HASPIN: variants seen among roughly 807,000 people sequenced by gnomAD.
The protein encoded by HASPIN is histone H3 associated protein kinase, also known as serine/threonine-protein kinase haspin.
In HASPIN, 24 loss-of-function variants were observed where a neutral mutation model predicts 28.8. That is an observed-to-expected ratio of 0.83 (90% CI 0.60 to 1.17). The LOEUF (loss-of-function observed/expected upper bound fraction) is 1.17, where lower values mean the gene tolerates loss of function less well. Among genes scored for constraint, HASPIN ranks in the 50% most tolerant of loss-of-function variants. The probability of loss-of-function intolerance (pLI) is 0.00; values close to 1 mark genes in which losing one functional copy is unlikely to be tolerated. For synonymous variants in HASPIN, 440 were observed against 413.1 expected (o/e 1.07, Z -0.79); for missense variants, 1,016 against 1,018.5 (o/e 1.00, Z 0.03).
Position 3,725,503 on chromosome 17 carries a change from G to A in HASPIN, c.1568G>A (p.Gly523Glu). Residue 523 changes from glycine (G) to glutamate (E), a missense_variant, in exon 1 of 1, where the codon GGA becomes GAA. Gly to Glu is a moderately conservative substitution (Grantham distance 98). Transcript: ENST00000325418. Reference protein sequence around the residue: ...IAIEGPDLVNGSHQKTFEEIL... With the variant: ...IAIEGPDLVNESHQKTFEEIL... Reference sequence around the variant, plus strand: ...ATTGAAGGACCAGATTTAGTCAATGGATCCCATCAGAAAACCTTTGAGGAA... The same window carrying A: ...ATTGAAGGACCAGATTTAGTCAATGAATCCCATCAGAAAACCTTTGAGGAA... 6.2e-7 allele frequency: 1 copy of A among 1,614,154 alleles called. No homozygotes were observed. The highest frequency in any genetic ancestry group is 8.5e-7 in the Non-Finnish European group (1 of 1,180,036).
At position 3,724,543 on chromosome 17, in the gene HASPIN, G is replaced by A. The variant is rs1283000892; in HGVS notation, c.608G>A (p.Ser203Asn). 1 of 1,614,130 alleles carries A rather than the reference G, an allele frequency of 6.2e-7. No individual in the cohort carries two copies. Among genetic ancestry groups the A allele is most frequent in the Non-Finnish European group, 8.5e-7 (1 of 1,180,026 alleles). The change falls in exon 1 of 1, where the codon AGC becomes AAC. Residue 203 changes from serine (S) to asparagine (N), a missense_variant. By Grantham distance (46) the Ser-to-Asn change is conservative. This residue lies in a region of HASPIN where 881 missense variants were observed against 845.5 expected (regional missense o/e 1.04). Transcript: ENST00000325418. ...ACLVAASAVPSGLHLPEVSLD... is the reference protein window; with the variant it reads ...ACLVAASAVPNGLHLPEVSLD... ...CTGGTTGCAGCCTCAGCCGTCCCGA[G>A]CGGCCTCCACCTCCCAGAAGTCTCC...
chr17:3,724,867 G>C lies in HASPIN; in HGVS notation c.932G>C (p.Arg311Thr). 6.2e-7 allele frequency: 1 copy of C among 1,613,958 alleles called. No homozygotes were observed. Among genetic ancestry groups the C allele is most frequent in the Non-Finnish European group, 8.5e-7 (1 of 1,180,038 alleles). Residue 311 changes from arginine to threonine, a missense_variant, in exon 1 of 1, where the codon AGA (arginine) becomes ACA (threonine). Transcript: ENST00000325418. The part of the protein sequence containing the change: ...QERGLQEAVR[R>T]EHQEASVPKG... ...AGAGGGCTTCAAGAGGCCGTCCGGA[G>C]AGAGCATCAGGAGGCCAGTGTTCCC...
rs890535046 is a variant in HASPIN at position 3,724,203 on chromosome 17, G to A, written c.268G>A (p.Asp90Asn). 6.3e-5 allele frequency: 101 copies of A among 1,592,944 alleles called. No individual in the cohort carries two copies. Among genetic ancestry groups the A allele is most frequent in the Non-Finnish European group, 7.8e-5 (92 of 1,177,200 alleles). ...GCGTCCCGGCGGCCGAGTGCCCAAGGACCGGCCCAGCCTGACCGTGACCCC... is the reference window on the plus strand; with the variant it reads ...GCGTCCCGGCGGCCGAGTGCCCAAGAACCGGCCCAGCCTGACCGTGACCCC... The part of the protein sequence containing the change: ...RRRPGGRVPK[D>N]RPSLTVTPKR... Residue 90 changes from aspartate (D) to asparagine (N), a missense_variant, in exon 1 of 1, where the codon GAC (aspartate) becomes AAC (asparagine). Around this residue, in one of 3 missense-constraint regions of HASPIN, gnomAD observed 881 missense variants for 845.5 expected, o/e 1.04. Transcript: ENST00000325418.
In HASPIN at chr17:3,724,285, G is replaced by T; in HGVS notation, c.350G>T (p.Gly117Val). 1 of 1,588,258 alleles carries T rather than the reference G, an allele frequency of 6.3e-7. No homozygotes were observed. ...PSLTVTPRRL[G>V]LRARPPQKCS... ...CTAACCGTGACCCCAAGACGCCTGG[G>T]GCTGCGAGCTCGGCCCCCGCAGAAG... Residue 117 changes from glycine (G) to valine (V), a missense_variant, in exon 1 of 1, where the codon GGG (glycine) becomes GTG (valine). Around this residue, in one of 3 missense-constraint regions of HASPIN, gnomAD observed 881 missense variants for 845.5 expected, o/e 1.04. Transcript: ENST00000325418.
Position 3,724,226 on chromosome 17 carries a change from C to G in HASPIN, c.291C>G (p.Thr97=). 3 of 1,593,722 alleles carry G rather than the reference C, an allele frequency of 1.9e-6. No individual in the cohort carries two copies. The highest frequency in any genetic ancestry group is 2.5e-6 in the Non-Finnish European group (3 of 1,177,432). ...AGGACCGGCCCAGCCTGACCGTGAC[C>G]CCAAAGCGCTGGAAGCTGCGAGCTC... The part of the protein sequence containing the change: ...VPKDRPSLTV[T]PKRWKLRARP... Residue 97 remains threonine, a synonymous_variant, in exon 1 of 1, where the codon ACC becomes ACG. Coordinates refer to ENST00000325418, the MANE Select transcript of HASPIN (RefSeq NM_031965.2).
Position 3,725,757 on chromosome 17 carries a change from G to C in HASPIN, c.1822G>C (p.Gly608Arg), listed in dbSNP as rs199574028. The C allele has an allele frequency of 6.4e-5, 101 of 1,589,818 alleles. No homozygotes were observed. Among genetic ancestry groups the C allele is most frequent in the Non-Finnish European group, 7.7e-6 (9 of 1,166,828 alleles). Residue 608 changes from glycine to arginine, a missense_variant, in exon 1 of 1, where the codon GGA becomes CGA. Around this residue, in one of 3 missense-constraint regions of HASPIN, gnomAD observed 881 missense variants for 845.5 expected, o/e 1.04. Transcript: ENST00000325418. ...CTTCATTGTGCTGGAATTTGAGTTT[G>C]GAGGGATTGACTTAGAGCAAATGCG... ...QLFIVLEFEF[G>R]GIDLEQMRTK...
rs569979785 is a variant in HASPIN at position 3,726,396 on chromosome 17, C to T, written c.*64C>T. The stretch of plus-strand genomic sequence containing the variant: ...GGTCTTGAAGCCTCTGGTGCTGTTT[C>T]AACCTCCATCCCCACAGGAGGGTGG... On this transcript the variant is annotated 3_prime_UTR_variant, in exon 1 of 1. Transcript: ENST00000325418. The T allele has an allele frequency of 9.9e-5, 113 of 1,143,736 alleles. No homozygotes were observed. The South Asian group carries it at 1.6e-3, about 16-fold the overall frequency. 70.8% of individuals were successfully genotyped at this position (1,143,736 alleles called of 1,614,324 possible).
Position 3,726,078 on chromosome 17 carries a change from G to T in HASPIN, c.2143G>T (p.Gly715Cys). 1 of 1,614,168 alleles carries T rather than the reference G, an allele frequency of 6.2e-7. No homozygotes were observed. Among genetic ancestry groups the T allele is most frequent in the Non-Finnish European group, 8.5e-7 (1 of 1,180,036 alleles). Residue 715 changes from glycine to cysteine, a missense_variant, in exon 1 of 1, where the codon GGT (glycine) becomes TGT (cysteine). This residue lies in a region of HASPIN where 129 missense variants were observed against 156.2 expected (regional missense o/e 0.83). Transcript: ENST00000325418. ...SMDEDLFTGD[G>C]DYQFDIYRLM... ...GGATGAGGACCTGTTTACCGGTGAC[G>T]GTGACTACCAGTTTGACATCTACAG... is the stretch of plus-strand genomic sequence containing the variant.
Position 3,726,410 on chromosome 17 carries a change from A to T in HASPIN, c.*78A>T. The stretch of plus-strand genomic sequence containing the variant: ...TGGTGCTGTTTCAACCTCCATCCCC[A>T]CAGGAGGGTGGAACTCCCATTCTCA... On this transcript the variant is annotated 3_prime_UTR_variant, in exon 1 of 1. Coordinates refer to ENST00000325418, the MANE Select transcript of HASPIN (RefSeq NM_031965.2). 1 of 945,436 alleles carries T rather than the reference A, an allele frequency of 1.1e-6. No individual in the cohort carries two copies. The allele number at this position is 945,436 out of a possible 1,614,324, so 58.6% of individuals were successfully genotyped here. A position where few individuals can be genotyped will look rare whatever the true frequency, so the allele number is the denominator to read the frequency against.
Position 3,725,091 on chromosome 17 carries a change from G to T in HASPIN, c.1156G>T (p.Ala386Ser), listed in dbSNP as rs556086352. 1.2e-6 allele frequency: 2 copies of T among 1,614,166 alleles called. No homozygotes were observed. The highest frequency in any genetic ancestry group is 2.2e-5 in the South Asian group (2 of 91,086). The change falls in exon 1 of 1, where the codon GCT (alanine) becomes TCT (serine). Residue 386 changes from alanine (A) to serine (S), a missense_variant. Around this residue, in one of 3 missense-constraint regions of HASPIN, gnomAD observed 881 missense variants for 845.5 expected, o/e 1.04. Coordinates refer to ENST00000325418, the MANE Select transcript of HASPIN (RefSeq NM_031965.2). ...TGTCTGCTTTTGGACCAAAACCAGG[G>T]CTTCCTTCAGTTTCCACAAGAAGAA... is the stretch of plus-strand genomic sequence containing the variant. ...QNVCFWTKTR[A>S]SFSFHKKKIV...
In HASPIN at chr17:3,724,184, C is replaced by T; in HGVS notation, c.249C>T (p.Pro83=). ...CGGTGAGGCGGCGGCGGAGGCGTCC[C>T]GGCGGCCGAGTGCCCAAGGACCGGC... ...GSPVRRRRRR[P]GGRVPKDRPS... is the part of the protein sequence containing the mutation. Residue 83 remains proline, a synonymous_variant, in exon 1 of 1, where the codon CCC becomes CCT. Coordinates refer to ENST00000325418, the MANE Select transcript of HASPIN (RefSeq NM_031965.2). 2.5e-6 allele frequency: 4 copies of T among 1,591,480 alleles called. No homozygotes were observed. Among genetic ancestry groups the T allele is most frequent in the Non-Finnish European group, 2.6e-6 (3 of 1,176,362 alleles).
chr17:3,725,898 G>A lies in HASPIN; in HGVS notation c.1963G>A (p.Val655Met), dbSNP rs879013486. 4.3e-6 allele frequency: 7 copies of A among 1,612,838 alleles called. No individual in the cohort carries two copies. Among genetic ancestry groups the A allele is most frequent in the Middle Eastern group, 1.6e-4 (1 of 6,062 alleles). ...GCACCGAGACTTACACTGGGGGAAC[G>A]TGCTCTTAAAGAAAACCAGCCTCAA... ...FEHRDLHWGN[V>M]LLKKTSLKKL... is the part of the protein sequence containing the mutation. The change falls in exon 1 of 1, where the codon GTG becomes ATG. Residue 655 changes from valine to methionine, a missense_variant. Around this residue, in one of 3 missense-constraint regions of HASPIN, gnomAD observed 881 missense variants for 845.5 expected, o/e 1.04. Transcript: ENST00000325418.
Position 3,725,624 on chromosome 17 carries a change from C to G in HASPIN, c.1689C>G (p.His563Gln), listed in dbSNP as rs2051191897. Reference sequence around the variant, plus strand: ...GCTTTATCGGGCTGAACTCAGTGCACTGTGTCCAGGGATCTTACCCTCCCT... The same window carrying G: ...GCTTTATCGGGCTGAACTCAGTGCAGTGTGTCCAGGGATCTTACCCTCCCT... ...TEGFIGLNSVHCVQGSYPPLL... is the reference protein window; with the variant it reads ...TEGFIGLNSVQCVQGSYPPLL... Residue 563 changes from histidine (H) to glutamine (Q), a missense_variant, in exon 1 of 1, where the codon CAC (histidine) becomes CAG (glutamine). By Grantham distance (24) the His-to-Gln change is conservative (BLOSUM62 0). Transcript: ENST00000325418. The G allele has an allele frequency of 6.2e-7, 1 of 1,612,936 alleles. No individual in the cohort carries two copies. The highest frequency in any genetic ancestry group is 1.3e-5 in the African/African-American group (1 of 75,026).
At position 3,726,293 on chromosome 17, in the gene HASPIN, TGC is replaced by T; in HGVS notation, c.2359_2360del (p.Ala787HisfsTer2). 1 of 1,613,966 alleles carries T rather than the reference TGC, an allele frequency of 6.2e-7. No homozygotes were observed. The highest frequency in any genetic ancestry group is 8.5e-7 in the Non-Finnish European group (1 of 1,179,858). On this transcript the variant is annotated frameshift_variant, in exon 1 of 1. Coordinates refer to ENST00000325418, the MANE Select transcript of HASPIN (RefSeq NM_031965.2). LOFTEE classifies it high-confidence loss of function. ...FHRTMLNFSS[A>X]TDLLCQHSLF... ...ACAGGACAATGCTGAACTTCAGCTC[TGC>T]CACTGACTTGCTCTGCCAGCACAGT...
chr17:3,725,163 A>T lies in HASPIN; in HGVS notation c.1228A>T (p.Thr410Ser). The change falls in exon 1 of 1, where the codon ACT becomes TCT. Residue 410 changes from threonine (T) to serine (S), a missense_variant. Physicochemically the swap from Thr to Ser is moderately conservative, Grantham distance 58. Transcript: ENST00000325418. ...GGTCTGCAGCATCTATACCACTGCC[A>T]CTTCTCTCTCTGGATCCCTCCTATC... is the stretch of plus-strand genomic sequence containing the variant. ...SEVCSIYTTA[T>S]SLSGSLLSEC... 1.9e-6 allele frequency: 3 copies of T among 1,614,136 alleles called. No homozygotes were observed. Among genetic ancestry groups the T allele is most frequent in the African/African-American group, 1.3e-5 (1 of 75,024 alleles).
Position 3,724,378 on chromosome 17 carries a change from C to T in HASPIN, c.443C>T (p.Pro148Leu), listed in dbSNP as rs372970730. The T allele has an allele frequency of 6.2e-7, 1 of 1,608,144 alleles. No individual in the cohort carries two copies. The highest frequency in any genetic ancestry group is 8.5e-7 in the Non-Finnish European group (1 of 1,178,768). Residue 148 changes from proline to leucine, a missense_variant, in exon 1 of 1, where the codon CCG (proline) becomes CTG (leucine). This residue lies in a region of HASPIN where 881 missense variants were observed against 845.5 expected (regional missense o/e 1.04). Coordinates refer to ENST00000325418, the MANE Select transcript of HASPIN (RefSeq NM_031965.2). ...FPSRDSGRLS[P>L]DLSVCGQPRD... Reference sequence around the variant, plus strand: ...AGCCGCGACTCCGGCCGCCTCAGCCCGGACCTCAGCGTGTGCGGCCAGCCC... The same window carrying T: ...AGCCGCGACTCCGGCCGCCTCAGCCTGGACCTCAGCGTGTGCGGCCAGCCC...
rs781428065 is a variant in HASPIN, at chr17:3,724,700, G to A, written c.765G>A (p.Glu255=). 2 of 1,614,098 alleles carry A rather than the reference G, an allele frequency of 1.2e-6. No individual in the cohort carries two copies. Among genetic ancestry groups the A allele is most frequent in the South Asian group, 1.1e-5 (1 of 91,094 alleles). ...LFGLMNSGTP[E]DSEFRADGKN... ...GCCTTATGAACTCAGGAACCCCTGAGGATTCTGAGTTTCGGGCAGATGGGA... is the reference window on the plus strand; with the variant it reads ...GCCTTATGAACTCAGGAACCCCTGAAGATTCTGAGTTTCGGGCAGATGGGA... The change falls in exon 1 of 1, where the codon GAG becomes GAA. Residue 255 remains glutamate (E), a synonymous_variant. Coordinates refer to ENST00000325418, the MANE Select transcript of HASPIN (RefSeq NM_031965.2).
At position 3,724,895 on chromosome 17, in the gene HASPIN, G is replaced by A. The variant is rs529373399; in HGVS notation, c.960G>A (p.Lys320=). ...RREHQEASVP[K]GRIVPRGIDR... Reference sequence around the variant, plus strand: ...AGCATCAGGAGGCCAGTGTTCCCAAGGGCCGCATTGTGCCAAGGGGAATAG... The same window carrying A: ...AGCATCAGGAGGCCAGTGTTCCCAAAGGCCGCATTGTGCCAAGGGGAATAG... Residue 320 remains lysine, a synonymous_variant, in exon 1 of 1, where the codon AAG becomes AAA. Coordinates refer to ENST00000325418, the MANE Select transcript of HASPIN (RefSeq NM_031965.2). 5.3e-5 allele frequency: 86 copies of A among 1,613,528 alleles called. No homozygotes were observed. In the South Asian group the frequency reaches 9.1e-4, roughly 17 times the overall value.
chr17:3,724,915 G>T lies in HASPIN; in HGVS notation c.980G>T (p.Gly327Val), dbSNP rs1198104828. ...CCCAAGGGCCGCATTGTGCCAAGGG[G>T]AATAGACAGGCTGGAGAGAACTAGA... ...SVPKGRIVPR[G>V]IDRLERTRSS... The change falls in exon 1 of 1, where the codon GGA becomes GTA. Residue 327 changes from glycine to valine, a missense_variant. Coordinates refer to ENST00000325418, the MANE Select transcript of HASPIN (RefSeq NM_031965.2). The T allele has an allele frequency of 6.2e-7, 1 of 1,613,652 alleles. No individual in the cohort carries two copies. Among genetic ancestry groups the T allele is most frequent in the Non-Finnish European group, 8.5e-7 (1 of 1,179,832 alleles).
Sources: allele counts gnomAD v4.1 joint callset, GRCh38; gene constraint gnomAD v4.1.1; regional missense constraint gnomAD v4.1.1; transcripts MANE v1.5; gene names NCBI Gene and HGNC (gene_info 2026-07-23, HGNC 2026-07-21).